Variants in PDHX observed in about 807,000 individuals in gnomAD.
PDHX encodes pyruvate dehydrogenase protein X component, mitochondrial.
A neutral mutation model predicts 55.3 loss-of-function variants in PDHX; 33 were observed. The observed-to-expected ratio is 0.60, with a 90% CI of 0.45 to 0.80. PDHX has a LOEUF of 0.80. PDHX is among the 30% of genes least tolerant of loss of function. The pLI is 0.00. For synonymous variants in PDHX, 226 were observed against 219.4 expected (o/e 1.03, Z -0.27); for missense variants, 622 against 619.9 (o/e 1.00, Z -0.04).
chr11:34,934,571 ATTTTTT>A (rs35227178), intron 2 of PDHX, among the ~76,000 whole-genome samples: 6 of 92,418 alleles, frequency 6.5e-5, no homozygotes, highest in South Asian at 3.9e-4. Context: ...GATATTATGG[ATTTTTT>A]TTTTTTTTTT....
chr11:34,917,263 T>C (rs1389553019), intron 1 of PDHX, among the ~76,000 whole-genome samples: 1 of 152,186 alleles, frequency 6.6e-6, no homozygotes, highest in African/African-American at 2.4e-5. Flanking sequence ...GGTGTTTTCA[T>C]TGAGGCCAGT....
intron 1 of PDHX, 96 bp downstream of exon 1, chr11:34,916,911 G>T (rs1590721930): frequency 3.3e-6 from 4 of 1,204,162 alleles, no homozygotes; most frequent in Admixed American, 2.0e-5. Flanking sequence ...TGGGTGTGAA[G>T]GTGCGCGGGC....
chr11:34,986,918 C>T (rs11032967), intron 9 of PDHX, among the ~76,000 whole-genome samples: 19 of 152,220 alleles, frequency 1.2e-4, no homozygotes, highest in African/African-American at 3.9e-4. Context: ...CTTGTTCTTA[C>T]GCTATGCCAG....
chr11:34,979,966 AAT>A (rs1013963658), intron 8 of PDHX, among the ~76,000 whole-genome samples: 4 of 150,594 alleles, frequency 2.7e-5, no homozygotes, highest in African/African-American at 9.7e-5. Context: ...CACCAGTAAA[AAT>A]ATCTGAACCT....
chr11:34,937,047 G>T (rs899073535), intron 2 of PDHX, among the ~76,000 whole-genome samples: 2 of 152,054 alleles, frequency 1.3e-5, no homozygotes, highest in Non-Finnish European at 2.9e-5. Flanking sequence ...GCCTCCCAAA[G>T]TGCCGGGATT....
chr11:34,983,730 C>T (rs1253860701), intron 8 of PDHX, among the ~76,000 whole-genome samples: 1 of 152,048 alleles, frequency 6.6e-6, no homozygotes, highest in Non-Finnish European at 1.5e-5. Flanking sequence ...AGGTGAAGGA[C>T]TTCTTCAAGG....
intron 5 of PDHX, among the ~76,000 whole-genome samples, chr11:34,964,354 A>C (rs1359416939): frequency 1.3e-5 from 2 of 152,220 alleles, no homozygotes; most frequent in East Asian, 3.8e-4. Flanking sequence ...CTGTAATCCC[A>C]GTGCTTTGGG....
chr11:34,935,532 G>A (rs968371992), intron 2 of PDHX, among the ~76,000 whole-genome samples: 1 of 152,118 alleles, frequency 6.6e-6, no homozygotes, highest in African/African-American at 2.4e-5. Context: ...TGTGGTGGTA[G>A]AGTCTCCCCT....
intron 2 of PDHX, among the ~76,000 whole-genome samples, chr11:34,933,051 A>G (rs1343031692): frequency 2.0e-5 from 3 of 152,228 alleles, no homozygotes; most frequent in Non-Finnish European, 4.4e-5. Context: ...ATAAAACTTT[A>G]AAAACAACAA....
intron 2 of PDHX, among the ~76,000 whole-genome samples, chr11:34,939,313 A>G (rs1366499253): frequency 2.0e-5 from 3 of 152,248 alleles, no homozygotes; most frequent in Non-Finnish European, 2.9e-5. Context: ...ATTTTTCATG[A>G]AAAATGATAG....
chr11:34,971,368 A>G (rs1855255302), intron 7 of PDHX, among the ~76,000 whole-genome samples: 1 of 152,092 alleles, frequency 6.6e-6, no homozygotes, highest in Non-Finnish European at 1.5e-5. Context: ...GTAAAAGCAG[A>G]TATTTTTGCC....
intron 2 of PDHX, among the ~76,000 whole-genome samples, chr11:34,940,972 T>A (rs924305765): frequency 3.3e-5 from 5 of 152,252 alleles, no homozygotes; most frequent in Non-Finnish European, 5.9e-5. Flanking sequence ...TCAGAATTTT[T>A]AAATTAGTGA....
intron 2 of PDHX, among the ~76,000 whole-genome samples, chr11:34,934,635 T>C (rs1212044393): frequency 7.2e-6 from 1 of 139,742 alleles, no homozygotes; most frequent in Non-Finnish European, 1.5e-5. Context: ...TGGAGTATAA[T>C]GGCGCGATCT....
At chr11:34,990,265 A>G (rs1855730228) in intron 9 of PDHX, among the ~76,000 whole-genome samples, 1 of 152,182 alleles carries the variant, frequency 6.6e-6, no homozygotes, top group Non-Finnish European at 1.5e-5. Flanking sequence ...TTGTAGAAAT[A>G]TTTAGTGGTC....
rs570540387 is a variant in PDHX at position 34,977,573 on chromosome 11, T to G, written c.965-551T>G. Among the ~76,000 whole-genome samples, 4 of 152,240 alleles carry G rather than the reference T, an allele frequency of 2.6e-5. No individual in the cohort carries two copies. In the South Asian group the frequency reaches 8.3e-4, roughly 32 times the overall value. On this transcript the variant is annotated intron_variant, in intron 7 of 10. Transcript: ENST00000227868. Reference sequence around the variant, plus strand: ...GTTAAGTTAAAAAGCAGTTAAATTTTTTTTCACCTACACCCCATTAGTAAA... The same window carrying G: ...GTTAAGTTAAAAAGCAGTTAAATTTGTTTTCACCTACACCCCATTAGTAAA...
upstream of PDHX, chr11:34,916,147 C>A: frequency 1.3e-6 from 2 of 1,538,958 alleles, no homozygotes; most frequent in South Asian, 1.2e-5. Context: ...CGGCCCGCTA[C>A]CCTGCGCCCA....
At chr11:34,928,059 T>C (rs1854065095) in intron 1 of PDHX, among the ~76,000 whole-genome samples, 1 of 152,140 alleles carries the variant, frequency 6.6e-6, no homozygotes, top group Non-Finnish European at 1.5e-5. Flanking sequence ...AATATAGTCC[T>C]TAATGTCAAG....
At chr11:34,946,938 A>G (rs1384137046) in intron 2 of PDHX, among the ~76,000 whole-genome samples, 1 of 152,178 alleles carries the variant, frequency 6.6e-6, no homozygotes, top group African/African-American at 2.4e-5. Context: ...GTCTTCCTCC[A>G]TATTTTTGAG....
intron 8 of PDHX, among the ~76,000 whole-genome samples, chr11:34,980,653 G>A (rs1855490364): frequency 6.6e-6 from 1 of 152,100 alleles, no homozygotes; most frequent in African/African-American, 2.4e-5. Context: ...AATGAGTGAA[G>A]GAACTCAGCC....
Sources: gnomAD v4.1 joint callset for allele counts (sites outside exome capture counted in the v4.1 genomes callset) on GRCh38, gnomAD v4.1.1 for gene constraint, MANE v1.5 for transcripts, NCBI Gene and HGNC (gene_info 2026-07-23, HGNC 2026-07-21) for gene names.